Variants in FRMD4A observed in about 807,000 individuals in gnomAD.
FRMD4A encodes FERM domain containing 4A.
In FRMD4A, 29 loss-of-function variants were observed where a neutral mutation model predicts 129.1. The ratio of observed to expected loss-of-function variants is 0.22; its 90% CI spans 0.17 to 0.31. FRMD4A has a LOEUF of 0.31. FRMD4A is among the 10% of genes least tolerant of loss of function. The pLI is 1.00. For missense variants in FRMD4A, 1,272 were observed against 1,375.8 expected, an observed-to-expected ratio of 0.92 and a Z score of 1.19; for synonymous variants, 634 against 571.6, an observed-to-expected ratio of 1.11 and a Z score of -1.56.
At chr10:13,838,989 TC>T (rs2130966935) in intron 3 of FRMD4A, among the ~76,000 whole-genome samples, 1 of 118,274 alleles carries the variant, frequency 8.5e-6, no homozygotes, top group African/African-American at 3.2e-5. Flanking sequence ...AAGAATAATT[TC>T]CTTTTTTTTT....
chr10:14,120,444 G>A (rs891417401), intron 2 of FRMD4A, among the ~76,000 whole-genome samples: 3 of 152,120 alleles, frequency 2.0e-5, no homozygotes, highest in African/African-American at 7.2e-5. Context: ...GGTATTTTAA[G>A]TTCCTCCATA....
chr10:13,887,492 A>C (rs1342694045), intron 2 of FRMD4A, among the ~76,000 whole-genome samples: 1 of 152,166 alleles, frequency 6.6e-6, no homozygotes, highest in Non-Finnish European at 1.5e-5. Flanking sequence ...CATACTGGCC[A>C]ACATGGTGAA....
At chr10:14,018,893 GAA>G (rs1322112841) in intron 2 of FRMD4A, among the ~76,000 whole-genome samples, 1 of 152,132 alleles carries the variant, frequency 6.6e-6, no homozygotes, top group Non-Finnish European at 1.5e-5. Context: ...GAACTTAGGA[GAA>G]GAGTCAAGCC....
intron 8 of FRMD4A, 74 bp from the exon 9 acceptor site, chr10:13,747,893 G>A (rs1165775812): frequency 2.5e-5 from 21 of 846,796 alleles, no homozygotes; most frequent in East Asian, 9.8e-5. Flanking sequence ...CACTTGGGCC[G>A]CTGTCTTGTC....
chr10:14,043,065 A>G (rs1454713043), intron 2 of FRMD4A, among the ~76,000 whole-genome samples: 1 of 152,130 alleles, frequency 6.6e-6, no homozygotes, highest in African/African-American at 2.4e-5. Context: ...CACTTAGAAA[A>G]TGTTCAGATC....
chr10:13,823,266 G>T lies in FRMD4A; in HGVS notation c.112-12358C>A, dbSNP rs374221352. Among the ~76,000 whole-genome samples, 8 of 152,298 alleles carry T rather than the reference G, an allele frequency of 5.3e-5. No individual in the cohort carries two copies. The East Asian group carries it at 1.4e-3, about 26-fold the overall frequency. On this transcript the variant is annotated intron_variant, in intron 3 of 24. Transcript: ENST00000357447. ...TGATCCCCGGGGGACTCTGGGAGGC[G>T]GGCAGGTGTTCATTAGGGAGGCCTC...
intron 6 of FRMD4A, among the ~76,000 whole-genome samples, chr10:13,769,882 T>C (rs1357417010): frequency 6.6e-6 from 1 of 152,186 alleles, no homozygotes; most frequent in Non-Finnish European, 1.5e-5. Flanking sequence ...TACCACTGGC[T>C]CCCTGGTTCT....
chr10:14,101,285 C>A (rs898317435), intron 2 of FRMD4A, among the ~76,000 whole-genome samples: 2 of 152,170 alleles, frequency 1.3e-5, no homozygotes, highest in Non-Finnish European at 2.9e-5. Context: ...GTGATCCTTC[C>A]TGCGGGCAAT....
chr10:14,133,204 T>C (rs768893294), intron 2 of FRMD4A, among the ~76,000 whole-genome samples: 1 of 152,168 alleles, frequency 6.6e-6, no homozygotes, highest in African/African-American at 2.4e-5. Context: ...AAAGAGCACT[T>C]GAGACACTGC....
Position 13,670,480 on chromosome 10 carries a change from C to G in FRMD4A, c.1300G>C (p.Glu434Gln). 1 of 1,612,778 alleles carries G rather than the reference C, an allele frequency of 6.2e-7. No individual in the cohort carries two copies. The highest frequency in any genetic ancestry group is 8.5e-7 in the Non-Finnish European group (1 of 1,178,998). Reference protein sequence around the residue: ...PVEYPLDPGEEPPIVRRRIGT... With the variant: ...PVEYPLDPGEQPPIVRRRIGT... ...ATTCTTCTCCGAACAATGGGTGGTT[C>G]CTCCCCTGGATCCAGGGGATATTCT... is the stretch of plus-strand genomic sequence containing the variant. The change falls in exon 17 of 25, where the codon GAA (glutamate) becomes CAA (glutamine). Residue 434 changes from glutamate to glutamine, a missense_variant. Glu to Gln is a conservative substitution (Grantham distance 29, BLOSUM62 2). Around this residue, in one of 2 missense-constraint regions of FRMD4A, gnomAD observed 972 missense variants for 892.3 expected, o/e 1.09. Coordinates refer to ENST00000357447, the MANE Select transcript of FRMD4A (RefSeq NM_018027.5).
intron 20 of FRMD4A, 83 bp downstream of exon 20, chr10:13,660,233 G>C (rs12244904): frequency 1.1e-6 from 1 of 881,920 alleles, no homozygotes; most frequent in African/African-American, 1.7e-5. Context: ...TTTTGTCACC[G>C]TGGATGCTAC....
intron 2 of FRMD4A, among the ~76,000 whole-genome samples, chr10:14,103,672 A>G (rs559422439): frequency 2.0e-4 from 30 of 152,328 alleles, no homozygotes; most frequent in African/African-American, 6.7e-4. Flanking sequence ...TATTTCAAAT[A>G]TCAGGCTCTC....
chr10:13,791,772 A>C (rs752288790), intron 5 of FRMD4A, among the ~76,000 whole-genome samples: 33 of 152,194 alleles, frequency 2.2e-4, no homozygotes, highest in Non-Finnish European at 2.2e-4. Context: ...AGGCTGCTGC[A>C]TGCTACAGCT....
chr10:13,914,023 C>T, intron 2 of FRMD4A, among the ~76,000 whole-genome samples: 1 of 152,278 alleles, frequency 6.6e-6, no homozygotes, highest in Non-Finnish European at 1.5e-5. Context: ...ACCAACACCC[C>T]TCTCCCTCCC....
At chr10:14,106,017 G>T (rs1454004210) in intron 2 of FRMD4A, among the ~76,000 whole-genome samples, 1 of 152,094 alleles carries the variant, frequency 6.6e-6, no homozygotes, top group Non-Finnish European at 1.5e-5. Flanking sequence ...ATTCTTTAGG[G>T]ATTGCAAATG....
intron 2 of FRMD4A, among the ~76,000 whole-genome samples, chr10:14,297,308 A>G (rs1846041557): frequency 6.6e-6 from 1 of 152,096 alleles, no homozygotes; most frequent in Non-Finnish European, 1.5e-5. Context: ...CCCTTATCAC[A>G]TGCTTTGCTA....
chr10:13,994,972 C>A (rs1370625215), intron 2 of FRMD4A, among the ~76,000 whole-genome samples: 1 of 152,164 alleles, frequency 6.6e-6, no homozygotes, highest in East Asian at 1.9e-4. Flanking sequence ...CTAGAGTGAA[C>A]AGGAGCGCAG....
At position 13,771,285 on chromosome 10, in the gene FRMD4A, C is replaced by A. The variant is rs370390400; in HGVS notation, c.385-8605G>T. 5.3e-5 allele frequency among the ~76,000 whole-genome samples: 8 copies of A among 151,996 alleles called. No individual in the cohort carries two copies. In the East Asian group the frequency reaches 5.8e-4, roughly 11 times the overall value. ...AGGGTTGGGGTCTTGCTATGTTGCC[C>A]AGGCTGATCTCAAACTCCTGGCCTC... is the stretch of plus-strand genomic sequence containing the variant. On this transcript the variant is annotated intron_variant, in intron 6 of 24. Transcript: ENST00000357447.
chr10:13,655,498 C>T (rs1325250758), intron 22 of FRMD4A: 2 of 152,166 alleles, frequency 1.3e-5, no homozygotes, highest in African/African-American at 4.8e-5. Context: ...CCACGGAACA[C>T]CCACCATTAC....
Sources: gnomAD v4.1 joint callset for allele counts (sites outside exome capture counted in the v4.1 genomes callset) on GRCh38, gnomAD v4.1.1 for gene constraint, gnomAD v4.1.1 regional missense constraint, MANE v1.5 for transcripts, NCBI Gene and HGNC (gene_info 2026-07-23, HGNC 2026-07-21) for gene names.